Variants in NLRC3 observed in about 807,000 individuals in gnomAD.
NLRC3 encodes NLR family CARD domain containing 3.
Under a neutral mutation model 91.6 loss-of-function variants are expected in NLRC3, and 87 were observed. The observed-to-expected ratio is 0.95, with a 90% confidence interval of 0.80 to 1.14. The LOEUF (loss-of-function observed/expected upper bound fraction) is 1.14. NLRC3 is among the 50% of genes most tolerant of loss of function. The pLI, the probability that NLRC3 is intolerant of heterozygous loss-of-function variation, is 0.00. For synonymous variants in NLRC3, 694 were observed against 625.3 expected (o/e 1.11, Z -1.64); for missense variants, 1,577 against 1,418.6 (o/e 1.11, Z -1.79).
intron 1 of NLRC3, among the ~76,000 whole-genome samples, chr16:3,576,455 C>G (rs2040297051): frequency 6.6e-6 from 1 of 152,152 alleles, no homozygotes; most frequent in African/African-American, 2.4e-5. Context: ...GAGAAGTAGC[C>G]TCCCATGGGG....
chr16:3,541,950 T>C lies in NLRC3; in HGVS notation c.3108-35A>G, dbSNP rs773129259. On this transcript the variant is annotated intron_variant, in intron 19 of 19. Coordinates refer to ENST00000359128, the MANE Select transcript of NLRC3 (RefSeq NM_178844.4). ...TAGGGTTAAGGCAGGGCTCAAAGCC[T>C]GCAGGTTCTCTTTAGTAGAGCAGGC... is the stretch of plus-strand genomic sequence containing the variant. 4.6e-6 allele frequency: 6 copies of C among 1,307,018 alleles called. No individual in the cohort carries two copies. In the Admixed American group the frequency reaches 1.1e-4, roughly 24 times the overall value. 81.0% of individuals were successfully genotyped at this position (1,307,018 alleles called of 1,614,324 possible).
chr16:3,548,332 A>T, intron 14 of NLRC3, 114 bp from the exon 15 acceptor site: 1 of 812,642 alleles, frequency 1.2e-6, no homozygotes, highest in East Asian at 2.7e-5. Flanking sequence ...GTGGCAGGAG[A>T]ATTCCTGCAA....
At chr16:3,547,210 C>T (rs2038736031) in intron 15 of NLRC3, among the ~76,000 whole-genome samples, 1 of 152,190 alleles carries the variant, frequency 6.6e-6, no homozygotes, top group African/African-American at 2.4e-5. Flanking sequence ...ATCATTCAGC[C>T]TTACAAAGGA....
chr16:3,558,657 A>G (rs1233482618), intron 6 of NLRC3, among the ~76,000 whole-genome samples: 2 of 152,006 alleles, frequency 1.3e-5, no homozygotes, highest in East Asian at 1.9e-4. Flanking sequence ...TGGTGGATCA[A>G]CTCAATGTTA....
chr16:3,573,707 G>A (rs2040181579), intron 1 of NLRC3, among the ~76,000 whole-genome samples: 1 of 152,114 alleles, frequency 6.6e-6, no homozygotes, highest in Non-Finnish European at 1.5e-5. Flanking sequence ...GCATCATTTG[G>A]GGTCTTATTG....
At position 3,564,630 on chromosome 16, in the gene NLRC3, C is replaced by T. The variant is rs1391000573; in HGVS notation, c.307G>A (p.Glu103Lys). The T allele has an allele frequency of 1.2e-6, 2 of 1,608,722 alleles. No individual in the cohort carries two copies. The highest frequency in any genetic ancestry group is 1.7e-6 in the Non-Finnish European group (2 of 1,179,726). The stretch of plus-strand genomic sequence containing the variant: ...GCCTCCACCTGTGTGAAGTCGTGTT[C>T]CCTCAGCTGCAGGTCCGTCAGGCCC... ...VEGLTDLQLR[E>K]HDFTQVEATR... Residue 103 changes from glutamate to lysine, a missense_variant, in exon 5 of 20, where the codon GAA (glutamate) becomes AAA (lysine). By Grantham distance (56) the Glu-to-Lys change is moderately conservative. Transcript: ENST00000359128. The surrounding 1 kb of genome is among the most constrained non-coding windows in gnomAD (Gnocchi z 5.9).
intron 1 of NLRC3, among the ~76,000 whole-genome samples, chr16:3,571,507 G>A (rs1201168426): frequency 1.4e-4 from 21 of 145,778 alleles, no homozygotes; most frequent in Non-Finnish European, 7.4e-5. Flanking sequence ...TTGTGCCACT[G>A]CAATCCAGCT....
In NLRC3 at chr16:3,577,133, C is replaced by G. The variant is rs996401372; in HGVS notation, c.-169+16G>C. ...CCTCCCCTGCCCTGCACTGAGGTCACCTGGACCCAACTTACCTCCCGGGCC... is the reference window on the plus strand; with the variant it reads ...CCTCCCCTGCCCTGCACTGAGGTCAGCTGGACCCAACTTACCTCCCGGGCC... On this transcript the variant is annotated intron_variant, in intron 1 of 19. Transcript: ENST00000359128. 4.7e-5 allele frequency: 33 copies of G among 703,148 alleles called. No homozygotes were observed. Among genetic ancestry groups the G allele is most frequent in the African/African-American group, 4.5e-4 (26 of 57,374 alleles). The allele number at this position is 703,148 out of a possible 1,614,324, so 43.6% of individuals were successfully genotyped here.
rs569197058 is a variant in NLRC3, at chr16:3,542,123, C to G, written c.3107+68G>C. 2.1e-5 allele frequency: 25 copies of G among 1,173,148 alleles called. No individual in the cohort carries two copies. In the East Asian group the frequency reaches 5.9e-4, roughly 28 times the overall value. The allele number at this position is 1,173,148 out of a possible 1,614,324, so 72.7% of individuals were successfully genotyped here. A position where few individuals can be genotyped will look rare whatever the true frequency, so the allele number is the denominator to read the frequency against. ...TCTGGGGGTCAGCTGGCTCTCAGAA[C>G]TGGGCAAAAGGCAGTGCGCCACCTG... On this transcript the variant is annotated intron_variant, in intron 19 of 19. Coordinates refer to ENST00000359128, the MANE Select transcript of NLRC3 (RefSeq NM_178844.4).
chr16:3,564,873 C>T lies in NLRC3; in HGVS notation c.164G>A (p.Gly55Glu), dbSNP rs2039805302. 1.2e-6 allele frequency: 2 copies of T among 1,606,846 alleles called. No homozygotes were observed. Among genetic ancestry groups the T allele is most frequent in the South Asian group, 1.1e-5 (1 of 90,864 alleles). Residue 55 changes from glycine (G) to glutamate (E), a missense_variant, in exon 4 of 20, where the codon GGG (glycine) becomes GAG (glutamate). Coordinates refer to ENST00000359128, the MANE Select transcript of NLRC3 (RefSeq NM_178844.4). The surrounding 1 kb of genome is among the most constrained non-coding windows in gnomAD (Gnocchi z 5.9). ...GCCGGTCCTACCATTGCTGCAGGGC[C>T]CCAGCGGGGCATCCGGTGTCCTATC... ...ALDRTPDAPL[G>E]PCSNDSRIQR...
chr16:3,561,867 TC>T (rs2151098377), intron 5 of NLRC3, 79 bp from the exon 6 acceptor site: 1 of 953,190 alleles, frequency 1.0e-6, no homozygotes, highest in East Asian at 2.4e-5. Context: ...GGCCTCTGCC[TC>T]TCTCCATCCC....
Position 3,564,295 on chromosome 16 carries a change from G to T in NLRC3, c.642C>A (p.Ala214=). Residue 214 remains alanine, a synonymous_variant, in exon 5 of 20, where the codon GCC becomes GCA. Coordinates refer to ENST00000359128, the MANE Select transcript of NLRC3 (RefSeq NM_178844.4). The surrounding 1 kb of genome is among the most constrained non-coding windows in gnomAD (Gnocchi z 5.9). The part of the protein sequence containing the change: ...PSLAVAVPAR[A]LLILDGLDEC... ...CATCCAAGCCGTCCAGGATCAGGAGGGCCCTGGCTGGGACTGCCACCGCCA... is the reference window on the plus strand; with the variant it reads ...CATCCAAGCCGTCCAGGATCAGGAGTGCCCTGGCTGGGACTGCCACCGCCA... The T allele has an allele frequency of 6.2e-7, 1 of 1,611,698 alleles. No homozygotes were observed. Among genetic ancestry groups the T allele is most frequent in the Non-Finnish European group, 8.5e-7 (1 of 1,179,540 alleles).
At position 3,564,264 on chromosome 16, in the gene NLRC3, T is replaced by C; in HGVS notation, c.673A>G (p.Arg225Gly). The C allele has an allele frequency of 1.2e-6, 2 of 1,612,446 alleles. No homozygotes were observed. The highest frequency in any genetic ancestry group is 2.2e-5 in the South Asian group (2 of 90,998). Reference sequence around the variant, plus strand: ...GTGTTGGAGAAGTCCAGAGGCGTCCTGCACTCATCCAAGCCGTCCAGGATC... The same window carrying C: ...GTGTTGGAGAAGTCCAGAGGCGTCCCGCACTCATCCAAGCCGTCCAGGATC... ...LLILDGLDEC[R>G]TPLDFSNTVA... The change falls in exon 5 of 20, where the codon AGG becomes GGG. Residue 225 changes from arginine (R) to glycine (G), a missense_variant. Physicochemically the swap from Arg to Gly is moderately radical, Grantham distance 125. Coordinates refer to ENST00000359128, the MANE Select transcript of NLRC3 (RefSeq NM_178844.4). This position sits in a 1 kb window ranked among gnomAD's most constrained non-coding sequence, Gnocchi z 5.9.
rs753017036 is a variant in NLRC3, at chr16:3,563,147, C to T, written c.1790G>A (p.Gly597Asp). 6.3e-7 allele frequency: 1 copy of T among 1,589,276 alleles called. No individual in the cohort carries two copies. Among genetic ancestry groups the T allele is most frequent in the Non-Finnish European group, 8.5e-7 (1 of 1,169,654 alleles). Residue 597 changes from glycine to aspartate, a missense_variant, in exon 5 of 20, where the codon GGT becomes GAT. Physicochemically the swap from Gly to Asp is moderately conservative, Grantham distance 94. Transcript: ENST00000359128. ...GGCCAGGGCAGCGCGGTGCGCGGGA[C>T]CAGTCAGCCTGGCCAGGGCCCCGCT... Reference protein sequence around the residue: ...MESGALARLTGPAHRAALAYL... With the variant: ...MESGALARLTDPAHRAALAYL...
At chr16:3,547,652 G>T (rs927218490) in intron 15 of NLRC3, among the ~76,000 whole-genome samples, 2 of 151,916 alleles carry the variant, frequency 1.3e-5, no homozygotes, top group African/African-American at 4.8e-5. Context: ...GTGTGTGTGT[G>T]TATGTATATA....
At chr16:3,566,746 C>A (rs2151103258) in intron 2 of NLRC3, among the ~76,000 whole-genome samples, 1 of 151,604 alleles carries the variant, frequency 6.6e-6, no homozygotes, top group East Asian at 1.9e-4. Flanking sequence ...AAAAAATTAG[C>A]CAGGCGTGGT....
chr16:3,549,111 G>C, intron 13 of NLRC3, 31 bp downstream of exon 13: 1 of 1,488,442 alleles, frequency 6.7e-7, no homozygotes, highest in Non-Finnish European at 9.2e-7. Context: ...GGCATGAACA[G>C]CCTGTGGAGT....
chr16:3,565,135 C>CA, intron 3 of NLRC3, 75 bp from the exon 4 acceptor site: 1 of 1,162,984 alleles, frequency 8.6e-7, no homozygotes, highest in Non-Finnish European at 1.2e-6. Flanking sequence ...AGCAAGTCCC[C>CA]AGGAACGGGG....
rs1203778704 is a variant in NLRC3, at chr16:3,569,397, ATT to A, written c.-168-2075_-168-2074del. The stretch of plus-strand genomic sequence containing the variant: ...ATATATATATATATATATATATATT[ATT>A]TTTTTTTTTTTTTTTTTTTTTTGAG... On this transcript the variant is annotated intron_variant, in intron 1 of 19. Coordinates refer to ENST00000359128, the MANE Select transcript of NLRC3 (RefSeq NM_178844.4). Among the ~76,000 whole-genome samples, 187 of 41,030 alleles carry A rather than the reference ATT, an allele frequency of 4.6e-3. 1 individual carries two copies. Among genetic ancestry groups the A allele is most frequent in the Non-Finnish European group, 5.7e-3 (151 of 26,358 alleles). The allele number at this position is 41,030 out of a possible 152,430, so 26.9% of individuals were successfully genotyped here.
Sources: gnomAD v4.1 joint callset for allele counts (sites outside exome capture counted in the v4.1 genomes callset) on GRCh38, gnomAD v4.1.1 for gene constraint, Gnocchi (gnomAD v3.1) non-coding constraint, MANE v1.5 for transcripts, NCBI Gene and HGNC (gene_info 2026-07-23, HGNC 2026-07-21) for gene names.